GATD1: variants seen among roughly 807,000 people sequenced by gnomAD.
GATD1 encodes the protein glutamine amidotransferase class 1 domain containing 1.
In GATD1, 23 loss-of-function variants were observed where a neutral mutation model predicts 25.9. That is an observed-to-expected ratio of 0.89 (90% confidence interval 0.64 to 1.26). The LOEUF (loss-of-function observed/expected upper bound fraction) is 1.26, where lower values mean the gene tolerates loss of function less well. Ranked by LOEUF, GATD1 falls within the 50% of genes most tolerant of loss-of-function variation. GATD1 has a pLI of 0.00. For synonymous variants in GATD1, 177 were observed against 134.6 expected, an observed-to-expected ratio of 1.31 and a Z score of -2.18; for missense variants, 347 against 312.5, an observed-to-expected ratio of 1.11 and a Z score of -0.83.
In GATD1 at chr11:767,379, A is replaced by G; in HGVS notation, c.*3518T>C. On this transcript the variant is annotated 3_prime_UTR_variant, in exon 8 of 8. Coordinates refer to ENST00000319863, the MANE Select transcript of GATD1 (RefSeq NM_182612.4). Reference sequence around the variant, plus strand: ...GTGCTGCCCCAAGCCCTGCCCTGGCAAAGAGAGAACTGTGCACAGCGGGGA... The same window carrying G: ...GTGCTGCCCCAAGCCCTGCCCTGGCGAAGAGAGAACTGTGCACAGCGGGGA... 6.5e-7 allele frequency: 1 copy of G among 1,535,756 alleles called. No homozygotes were observed.
chr11:767,853 CTT>C lies in GATD1; in HGVS notation c.*3042_*3043del, dbSNP rs534703953. 4.8e-4 allele frequency: 69 copies of C among 144,322 alleles called. No homozygotes were observed. Among genetic ancestry groups the C allele is most frequent in the South Asian group, 1.3e-3 (6 of 4,572 alleles). 8.9% of individuals were successfully genotyped at this position (144,322 alleles called of 1,614,324 possible). ...TAAGCCACTAGGTTTACAATATTTT[CTT>C]TTTTTTTTTTTTTGAGATGGAGTCT... On this transcript the variant is annotated 3_prime_UTR_variant, in exon 8 of 8. Transcript: ENST00000319863.
rs557619328 is a variant in GATD1 at position 773,976 on chromosome 11, C to A, written c.247+32G>T. The A allele has an allele frequency of 3.1e-6, 5 of 1,593,956 alleles. No individual in the cohort carries two copies. The South Asian group carries it at 4.4e-5, about 14-fold the overall frequency. ...CCTTGACCCTCCAAGGTCCCAGGCA[C>A]CCCACCCCCAAGGAGTGGGTCCCGG... On this transcript the variant is annotated intron_variant, in intron 3 of 7. Coordinates refer to ENST00000319863, the MANE Select transcript of GATD1 (RefSeq NM_182612.4).
Position 770,873 on chromosome 11 carries a change from A to C in GATD1, c.*24T>G. ...CCTCTGGAGACACCTGGGCTGTCTC[A>C]GGGGGTGCATCTACCCAGCAGGTTC... On this transcript the variant is annotated 3_prime_UTR_variant, in exon 8 of 8. Transcript: ENST00000319863. 2 of 1,595,960 alleles carry C rather than the reference A, an allele frequency of 1.3e-6. No homozygotes were observed. Among genetic ancestry groups the C allele is most frequent in the South Asian group, 1.1e-5 (1 of 88,056 alleles).
chr11:773,424 C>A, intron 4 of GATD1, 98 bp downstream of exon 4: 1 of 1,020,120 alleles, frequency 9.8e-7, no homozygotes. Flanking sequence ...CCAGAAACGC[C>A]TACCTGGAGT....
chr11:771,982 C>T (rs1379203169), intron 5 of GATD1, among the ~76,000 whole-genome samples: 1 of 152,140 alleles, frequency 6.6e-6, no homozygotes, highest in Non-Finnish European at 1.5e-5. Context: ...TCAGCCACTC[C>T]CACAGCCGCC....
chr11:777,291 C>G, intron 1 of GATD1, 108 bp downstream of exon 1: 1 of 924,350 alleles, frequency 1.1e-6, no homozygotes. Flanking sequence ...CCAGCGGCCT[C>G]GGCCTCCGGC....
At chr11:776,475 T>G (rs539819637) in intron 1 of GATD1, among the ~76,000 whole-genome samples, 26 of 151,982 alleles carry the variant, frequency 1.7e-4, no homozygotes, top group Non-Finnish European at 3.5e-4. Context: ...CACGCCTACC[T>G]GCTCTGGAAA....
Position 770,509 on chromosome 11 carries a change from C to G in GATD1, c.*388G>C. The G allele has an allele frequency of 7.0e-7, 1 of 1,433,586 alleles. No individual in the cohort carries two copies. Among genetic ancestry groups the G allele is most frequent in the Non-Finnish European group, 9.1e-7 (1 of 1,095,694 alleles). The allele number at this position is 1,433,586 out of a possible 1,614,324, so 88.8% of individuals were successfully genotyped here. A position where few individuals can be genotyped will look rare whatever the true frequency, so the allele number is the denominator to read the frequency against. On this transcript the variant is annotated 3_prime_UTR_variant, in exon 8 of 8. Transcript: ENST00000319863. ...AAAGAGGTGGTGGGTGGCAGACAGG[C>G]CACAGCAGGGCAAACCCACACAGAG...
Position 770,447 on chromosome 11 carries a change from C to A in GATD1, c.*450G>T. 6.8e-7 allele frequency: 1 copy of A among 1,479,596 alleles called. No individual in the cohort carries two copies. The allele number at this position is 1,479,596 out of a possible 1,614,324, so 91.7% of individuals were successfully genotyped here. On this transcript the variant is annotated 3_prime_UTR_variant, in exon 8 of 8. Coordinates refer to ENST00000319863, the MANE Select transcript of GATD1 (RefSeq NM_182612.4). ...GCCAAAGTTCTGAGCCAGCTCCCGCCGGCTGGGCCCTCCCCTCAAGGCCCC... is the reference window on the plus strand; with the variant it reads ...GCCAAAGTTCTGAGCCAGCTCCCGCAGGCTGGGCCCTCCCCTCAAGGCCCC...
chr11:776,253 T>A (rs1421213962), intron 1 of GATD1, among the ~76,000 whole-genome samples: 1 of 152,184 alleles, frequency 6.6e-6, no homozygotes, highest in Non-Finnish European at 1.5e-5. Flanking sequence ...AGTGCTGGGA[T>A]TACAGGCGTG....
intron 2 of GATD1, among the ~76,000 whole-genome samples, chr11:774,830 C>T (rs1863802586): frequency 6.8e-6 from 1 of 146,152 alleles, no homozygotes; most frequent in African/African-American, 2.5e-5. Context: ...AACTCCATCT[C>T]AAAAAAAAAA....
intron 2 of GATD1, among the ~76,000 whole-genome samples, 191 bp from the exon 3 acceptor site, chr11:774,304 AT>A (rs1863747786): frequency 6.6e-6 from 1 of 152,240 alleles, no homozygotes; most frequent in South Asian, 2.1e-4. Flanking sequence ...TCAGTGGTTT[AT>A]TTCCTAGCCA....
At position 769,315 on chromosome 11, in the gene GATD1, CTTTAT is replaced by C. The variant is rs112784370; in HGVS notation, c.*1577_*1581del. The C allele has an allele frequency of 6.2e-3, 6,092 of 983,682 alleles. 46 individuals carry two copies. Among genetic ancestry groups the C allele is most frequent in the African/African-American group, 0.029 (1,666 of 57,180 alleles). 60.9% of individuals were successfully genotyped at this position (983,682 alleles called of 1,614,324 possible). A position where few individuals can be genotyped will look rare whatever the true frequency, so the allele number is the denominator to read the frequency against. ...TTTCCAAATTCTCCTTATTGAACGG[CTTTAT>C]TTTATTATTTTTTATTTTTGAGACG... On this transcript the variant is annotated 3_prime_UTR_variant, in exon 8 of 8. Transcript: ENST00000319863.
In GATD1 at chr11:771,418, C is replaced by T. The variant is rs1263337007; in HGVS notation, c.459G>A (p.Val153=). 2.6e-6 allele frequency: 4 copies of T among 1,540,198 alleles called. No individual in the cohort carries two copies. The highest frequency in any genetic ancestry group is 2.3e-5 in the East Asian group (1 of 44,356). The change falls in exon 6 of 8, where the codon GTG becomes GTA. Residue 153 remains valine, a synonymous_variant. Transcript: ENST00000319863. The stretch of plus-strand genomic sequence containing the variant: ...AGCCGGGGGCCCTGACGAGCTCACA[C>T]ACAGAGGGCTGCGGGAGCGGGGTGG... ...FDSYSLTGPS[V]CELVRAPGFA...
At chr11:774,236 C>G in intron 2 of GATD1, 123 bp from the exon 3 acceptor site, 2 of 728,866 alleles carry the variant, frequency 2.7e-6, no homozygotes, top group Non-Finnish European at 2.3e-6. Flanking sequence ...AGGCCCCCGA[C>G]CACCCAGCCT....
intron 5 of GATD1, among the ~76,000 whole-genome samples, chr11:771,813 G>C (rs1426237096): frequency 6.6e-6 from 1 of 152,080 alleles, no homozygotes; most frequent in Non-Finnish European, 1.5e-5. Context: ...CCTGAGACTG[G>C]GTTGGTGTCA....
chr11:767,386 G>C lies in GATD1; in HGVS notation c.*3511C>G. 6.5e-7 allele frequency: 1 copy of C among 1,535,438 alleles called. No individual in the cohort carries two copies. Among genetic ancestry groups the C allele is most frequent in the Non-Finnish European group, 8.7e-7 (1 of 1,146,498 alleles). On this transcript the variant is annotated 3_prime_UTR_variant, in exon 8 of 8. Transcript: ENST00000319863. Reference sequence around the variant, plus strand: ...CCCAAGCCCTGCCCTGGCAAAGAGAGAACTGTGCACAGCGGGGAGGCTCTC... The same window carrying C: ...CCCAAGCCCTGCCCTGGCAAAGAGACAACTGTGCACAGCGGGGAGGCTCTC...
chr11:773,982 C>T, intron 3 of GATD1, 26 bp downstream of exon 3: 1 of 1,603,044 alleles, frequency 6.2e-7, no homozygotes, highest in Non-Finnish European at 8.5e-7. Context: ...GGCACCCCAC[C>T]CCCAAGGAGT....
rs562365711 is a variant in GATD1, at chr11:775,497, C to T, written c.65-355G>A. ...ATGCAGCCCACCTCAACTGTCCATG[C>T]CACTCCCACACCCCAGCCTCATCCT... is the stretch of plus-strand genomic sequence containing the variant. On this transcript the variant is annotated intron_variant, in intron 1 of 7. Coordinates refer to ENST00000319863, the MANE Select transcript of GATD1 (RefSeq NM_182612.4). Among the ~76,000 whole-genome samples, 100 of 152,348 alleles carry T rather than the reference C, an allele frequency of 6.6e-4. No individual in the cohort carries two copies. In the Middle Eastern group the frequency reaches 0.017, roughly 26 times the overall value.
Sources: gnomAD v4.1 joint callset for allele counts (sites outside exome capture counted in the v4.1 genomes callset) on GRCh38, gnomAD v4.1.1 for gene constraint, MANE v1.5 for transcripts, NCBI Gene and HGNC (gene_info 2026-07-23, HGNC 2026-07-21) for gene names.